Variants in XKR9 observed in about 807,000 individuals in gnomAD.
XKR9 encodes the protein XK related 9.
Under a neutral mutation model 32.0 loss-of-function variants are expected in XKR9, and 32 were observed. That is an observed-to-expected ratio of 1.00 (90% CI 0.76 to 1.34). The LOEUF (loss-of-function observed/expected upper bound fraction) is 1.34, where lower values mean the gene tolerates loss of function less well. Among genes scored for constraint, XKR9 ranks in the 40% most tolerant of loss-of-function variants. The probability of loss-of-function intolerance (pLI) is 0.00; values close to 1 mark genes in which losing one functional copy is unlikely to be tolerated. For synonymous variants in XKR9, 168 were observed against 143.4 expected, an observed-to-expected ratio of 1.17 and a Z score of -1.22; for missense variants, 546 against 429.7, an observed-to-expected ratio of 1.27 and a Z score of -2.39.
At chr8:71,031,047 T>C in the XKR9 span, among the ~76,000 whole-genome samples, 1 of 152,152 alleles carries the variant, frequency 6.6e-6, no homozygotes, top group African/African-American at 2.4e-5. Context: ...TGTGTATCTG[T>C]GTATAACTTA....
At chr8:71,057,696 G>A in the XKR9 span, among the ~76,000 whole-genome samples, 1 of 152,110 alleles carries the variant, frequency 6.6e-6, no homozygotes, top group Non-Finnish European at 1.5e-5. Context: ...TCCTGGAAAT[G>A]GAATTGGAGT....
At chr8:70,958,715 A>AT in the XKR9 span, among the ~76,000 whole-genome samples, 1 of 151,990 alleles carries the variant, frequency 6.6e-6, no homozygotes, top group Non-Finnish European at 1.5e-5. Flanking sequence ...CCCATTTGTC[A>AT]TTTTTTGCTT....
At chr8:70,750,410 G>A (rs1384340860) in intron 2 of XKR9, among the ~76,000 whole-genome samples, 1 of 152,148 alleles carries the variant, frequency 6.6e-6, no homozygotes, top group Non-Finnish European at 1.5e-5. Flanking sequence ...CATGTGCTTT[G>A]GAGGGCTGTC....
the XKR9 span, among the ~76,000 whole-genome samples, chr8:70,899,841 T>A: frequency 6.6e-6 from 1 of 152,346 alleles, no homozygotes; most frequent in Non-Finnish European, 1.5e-5. Flanking sequence ...GTTTATATAA[T>A]AAATTGTTTA....
chr8:71,014,982 A>G, the XKR9 span, among the ~76,000 whole-genome samples: 1 of 152,176 alleles, frequency 6.6e-6, no homozygotes. Context: ...TGATCATTTC[A>G]GATGTTGCTG....
chr8:70,826,516 A>G, the XKR9 span, among the ~76,000 whole-genome samples: 2 of 152,168 alleles, frequency 1.3e-5, no homozygotes, highest in Non-Finnish European at 2.9e-5. Context: ...AATCATAAGA[A>G]TTTCAGAGGC....
the XKR9 span, among the ~76,000 whole-genome samples, chr8:71,004,086 G>A: frequency 3.9e-5 from 6 of 152,322 alleles, no homozygotes; most frequent in East Asian, 9.7e-4. Context: ...AAGGCATGGG[G>A]ATGGGAGAAA....
chr8:71,007,743 TTG>T, the XKR9 span, among the ~76,000 whole-genome samples: 4 of 152,118 alleles, frequency 2.6e-5, no homozygotes, highest in African/African-American at 9.7e-5. Context: ...CAACTAGGTA[TTG>T]TGTGTGACTA....
the XKR9 span, among the ~76,000 whole-genome samples, chr8:71,052,751 C>T: frequency 6.6e-6 from 1 of 152,332 alleles, no homozygotes; most frequent in Non-Finnish European, 1.5e-5. Flanking sequence ...CTAGGTTCAG[C>T]TGCCCTGTGA....
chr8:70,750,042 C>T (rs1672389522), intron 2 of XKR9, among the ~76,000 whole-genome samples: 1 of 152,026 alleles, frequency 6.6e-6, no homozygotes, highest in Admixed American at 6.6e-5. Flanking sequence ...TGCATGAATG[C>T]ACTTATGTGC....
the XKR9 span, among the ~76,000 whole-genome samples, chr8:70,934,973 C>A: frequency 1.3e-5 from 2 of 151,378 alleles, no homozygotes; most frequent in East Asian, 3.9e-4. Flanking sequence ...ATATAAAAAT[C>A]ACTCTCATCC....
At chr8:70,843,071 C>CT in the XKR9 span, among the ~76,000 whole-genome samples, 9 of 152,286 alleles carry the variant, frequency 5.9e-5, no homozygotes, top group East Asian at 1.7e-3. Flanking sequence ...TCAGTGATTT[C>CT]TTTTAAGTTT....
chr8:70,684,290 A>G (rs1306989342), intron 3 of XKR9, among the ~76,000 whole-genome samples: 1 of 152,166 alleles, frequency 6.6e-6, no homozygotes, highest in African/African-American at 2.4e-5. Flanking sequence ...AATCAAATGT[A>G]AGTTACACGT....
chr8:71,064,238 T>G, the XKR9 span, among the ~76,000 whole-genome samples: 12 of 152,154 alleles, frequency 7.9e-5, no homozygotes, highest in Admixed American at 5.2e-4. Context: ...ATCTATAACA[T>G]TTCACTCTTG....
the XKR9 span, among the ~76,000 whole-genome samples, chr8:70,879,184 A>G: frequency 2.0e-5 from 3 of 152,304 alleles, no homozygotes; most frequent in East Asian, 5.8e-4. Flanking sequence ...TATAGCACTA[A>G]ATACTCCCAA....
At chr8:70,845,097 C>T in the XKR9 span, among the ~76,000 whole-genome samples, 1 of 152,206 alleles carries the variant, frequency 6.6e-6, no homozygotes, top group African/African-American at 2.4e-5. Context: ...ACCTGGCATC[C>T]CCATTCCCAA....
At chr8:70,752,944 C>CA (rs1389560847) in intron 2 of XKR9, among the ~76,000 whole-genome samples, 3 of 152,030 alleles carry the variant, frequency 2.0e-5, no homozygotes, top group African/African-American at 4.8e-5. Flanking sequence ...AATAGAGACA[C>CA]AAAAAACCCT....
chr8:70,938,744 G>GCT, the XKR9 span, among the ~76,000 whole-genome samples: 5 of 152,070 alleles, frequency 3.3e-5, no homozygotes, highest in Admixed American at 6.6e-5. Context: ...GCCCTGGGCA[G>GCT]CTGGTTGATG....
the XKR9 span, among the ~76,000 whole-genome samples, chr8:70,814,506 A>G: frequency 2.0e-5 from 3 of 151,838 alleles, no homozygotes; most frequent in Non-Finnish European, 4.4e-5. Flanking sequence ...AAAAAAAACT[A>G]CATCATCTCA....
Sources: allele counts gnomAD v4.1 joint callset (sites outside exome capture counted in the v4.1 genomes callset), GRCh38; gene constraint gnomAD v4.1.1; transcripts MANE v1.5; gene names NCBI Gene and HGNC (gene_info 2026-07-23, HGNC 2026-07-21).